The following MASP1 variants were observed in gnomAD, a reference collection of about 807,000 sequenced individuals.
MASP1 encodes the protein mannan-binding lectin serine protease 1.
Under a neutral mutation model 77.1 loss-of-function variants are expected in MASP1, and 59 were observed. The observed-to-expected ratio is 0.77, with a 90% CI of 0.62 to 0.95. The LOEUF is 0.95. MASP1 is among the 40% of genes least tolerant of loss of function. The pLI, the probability that MASP1 is intolerant of heterozygous loss-of-function variation, is 0.00. For synonymous variants in MASP1, 362 were observed against 354.5 expected, an observed-to-expected ratio of 1.02 and a Z score of -0.24; for missense variants, 885 against 912.9, an observed-to-expected ratio of 0.97 and a Z score of 0.39.
At chr3:187,242,020 C>A (rs1257235721) in intron 9 of MASP1, 7 of 181,494 alleles carry the variant, frequency 3.9e-5, no homozygotes, top group Non-Finnish European at 5.8e-5. Flanking sequence ...CTCCCCACCC[C>A]ACGCTGCCCA....
At chr3:187,277,784 G>A (rs1717080907) in intron 2 of MASP1, among the ~76,000 whole-genome samples, 1 of 152,190 alleles carries the variant, frequency 6.6e-6, no homozygotes, top group Non-Finnish European at 1.5e-5. Flanking sequence ...GGAATCAAAT[G>A]AGTTAATAGA....
rs1362058483 is a variant in MASP1, at chr3:187,285,872, G to T, written c.190C>A (p.His64Asn). 6.2e-7 allele frequency: 1 copy of T among 1,614,048 alleles called. No individual in the cohort carries two copies. Among genetic ancestry groups the T allele is most frequent in the African/African-American group, 1.3e-5 (1 of 74,926 alleles). The change falls in exon 2 of 11, where the codon CAC becomes AAC. Residue 64 changes from histidine to asparagine, a missense_variant. Coordinates refer to ENST00000296280, the MANE Select transcript of MASP1 (RefSeq NM_139125.4). ...DGFRIKLYFM[H>N]FNLESSYLCE... is the part of the protein sequence containing the mutation. ...AGGTAGGAGGATTCCAAGTTGAAGT[G>T]CATGAAGTAAAGCTTGATCCGAAAC...
chr3:187,258,092 G>A (rs1715249518), intron 4 of MASP1, among the ~76,000 whole-genome samples: 1 of 152,216 alleles, frequency 6.6e-6, no homozygotes, highest in Non-Finnish European at 1.5e-5. Flanking sequence ...CATAAACTAT[G>A]TTCTAACGAT....
intron 4 of MASP1, 29 bp from the exon 5 acceptor site, chr3:187,256,889 G>T (rs371843583): frequency 9.4e-6 from 15 of 1,597,096 alleles, no homozygotes; most frequent in East Asian, 6.7e-5. Flanking sequence ...AGAAAATGGC[G>T]CATCGCAACC....
chr3:187,285,111 T>C (rs930518964), intron 2 of MASP1, among the ~76,000 whole-genome samples: 2 of 152,084 alleles, frequency 1.3e-5, no homozygotes, highest in East Asian at 1.9e-4. Context: ...TATTCTGACC[T>C]TTTTCAGCCT....
chr3:187,233,409 T>G (rs898525168), downstream of MASP1, among the ~76,000 whole-genome samples: 1 of 152,196 alleles, frequency 6.6e-6, no homozygotes, highest in Non-Finnish European at 1.5e-5. Flanking sequence ...CCTTCCCTCC[T>G]ATCTCCCACA....
At chr3:187,261,338 G>A (rs1313068181) in intron 3 of MASP1, among the ~76,000 whole-genome samples, 1 of 152,224 alleles carries the variant, frequency 6.6e-6, no homozygotes, top group East Asian at 1.9e-4. Context: ...TACAGAGCTT[G>A]TGCTCTTAAC....
intron 2 of MASP1, among the ~76,000 whole-genome samples, chr3:187,273,543 C>T (rs897889829): frequency 2.6e-5 from 4 of 152,172 alleles, no homozygotes; most frequent in Admixed American, 6.5e-5. Context: ...CCGACAGCCC[C>T]GGGCTGACTC....
chr3:187,264,912 G>T (rs978492592), intron 2 of MASP1, among the ~76,000 whole-genome samples: 5 of 152,090 alleles, frequency 3.3e-5, no homozygotes, highest in Non-Finnish European at 7.3e-5. Context: ...GGAGTAATAC[G>T]ATATACAGGA....
chr3:187,271,702 C>T (rs1716533190), intron 2 of MASP1, among the ~76,000 whole-genome samples: 1 of 152,160 alleles, frequency 6.6e-6, no homozygotes, highest in African/African-American at 2.4e-5. Context: ...AAAGCTGCTT[C>T]CCTCTAGCTT....
At chr3:187,258,956 G>A (rs142825120) in intron 4 of MASP1, among the ~76,000 whole-genome samples, 4,327 of 152,252 alleles carry the variant, frequency 0.028, 95 homozygotes, top group Non-Finnish European at 0.043. Context: ...GTTAAACTCT[G>A]TTAAATTTAA....
At chr3:187,233,992 T>C, downstream of MASP1, 1 of 834,322 alleles carries the variant, frequency 1.2e-6, no homozygotes, top group South Asian at 1.8e-5. Flanking sequence ...AAGGGAGATT[T>C]TGGTTTAATG....
In MASP1 at chr3:187,234,952, GA is replaced by G. The variant is rs1245842588; in HGVS notation, c.*731del. 3.9e-6 allele frequency: 5 copies of G among 1,287,244 alleles called. No homozygotes were observed. The East Asian group carries it at 2.2e-4, about 57-fold the overall frequency. 79.7% of individuals were successfully genotyped at this position (1,287,244 alleles called of 1,614,324 possible). ...CAAATGTGTTCTGAGTTGACAATGG[GA>G]ATTTAAGGGCTTGGTGGGCCTCCCA... On this transcript the variant is annotated 3_prime_UTR_variant, in exon 11 of 11. Transcript: ENST00000296280.
chr3:187,255,462 T>C (rs1025084930), intron 5 of MASP1, among the ~76,000 whole-genome samples: 1 of 152,248 alleles, frequency 6.6e-6, no homozygotes, highest in African/African-American at 2.4e-5. Flanking sequence ...TTCAGTTTCA[T>C]GAGACCCTGA....
intron 4 of MASP1, among the ~76,000 whole-genome samples, chr3:187,259,794 G>C (rs56377147): frequency 0.043 from 6,472 of 152,214 alleles, 196 homozygotes; most frequent in Middle Eastern, 0.068. Flanking sequence ...AAAAACTTTT[G>C]TCTCCAGACT....
intron 2 of MASP1, among the ~76,000 whole-genome samples, chr3:187,279,136 T>C (rs917901551): frequency 2.0e-5 from 3 of 152,242 alleles, no homozygotes; most frequent in Non-Finnish European, 2.9e-5. Context: ...TATTCTTCAC[T>C]CTGCAAAGAA....
intron 14 of MASP1, among the ~76,000 whole-genome samples, chr3:187,222,073 G>A (rs941349925): frequency 2.0e-5 from 3 of 152,172 alleles, no homozygotes; most frequent in African/African-American, 7.2e-5. Flanking sequence ...CCCTGGATAA[G>A]GGGAGAGGAA....
In MASP1 at chr3:187,234,642, C is replaced by T. The variant is rs755142754; in HGVS notation, c.*1042G>A. ...AACATCCTGCGGGGTGGATTCTCCG[C>T]CCAGCTCATGCCCCAGGGATGCCAG... is the stretch of plus-strand genomic sequence containing the variant. On this transcript the variant is annotated 3_prime_UTR_variant, in exon 11 of 11. Coordinates refer to ENST00000296280, the MANE Select transcript of MASP1 (RefSeq NM_139125.4). The T allele has an allele frequency of 4.7e-6, 6 of 1,287,060 alleles. No individual in the cohort carries two copies. The highest frequency in any genetic ancestry group is 1.5e-5 in the African/African-American group (1 of 65,772). 79.7% of individuals were successfully genotyped at this position (1,287,060 alleles called of 1,614,324 possible). A position where few individuals can be genotyped will look rare whatever the true frequency, so the allele number is the denominator to read the frequency against.
At chr3:187,233,292 G>A (rs141066289), downstream of MASP1, among the ~76,000 whole-genome samples, 198 of 152,236 alleles carry the variant, frequency 1.3e-3, no homozygotes, top group Middle Eastern at 6.8e-3. Flanking sequence ...AGAATCACTC[G>A]TTTCAGGACA....
Sources: allele counts gnomAD v4.1 joint callset (sites outside exome capture counted in the v4.1 genomes callset), GRCh38; gene constraint gnomAD v4.1.1; transcripts MANE v1.5; gene names NCBI Gene and HGNC (gene_info 2026-07-23, HGNC 2026-07-21).